The following LRRC7 variants were observed in gnomAD, a reference collection of about 807,000 sequenced individuals.
LRRC7 encodes leucine-rich repeat-containing protein 7.
In LRRC7, 23 loss-of-function variants were observed where a neutral mutation model predicts 175.7. The ratio of observed to expected loss-of-function variants is 0.13; its 90% CI spans 0.09 to 0.19. LRRC7 has a LOEUF of 0.19. LRRC7 is among the 10% of genes least tolerant of loss of function. LRRC7 has a pLI of 1.00. For synonymous variants in LRRC7, 685 were observed against 680.9 expected (o/e 1.01, Z -0.09); for missense variants, 1,354 against 1,904.7 (o/e 0.71, Z 5.38).
intron 1 of LRRC7, among the ~76,000 whole-genome samples, chr1:69,673,292 T>C (rs183670977): frequency 3.7e-4 from 56 of 152,354 alleles, no homozygotes; most frequent in African/African-American, 1.2e-3. Context: ...AAGAATGTCA[T>C]GGACACTTTT....
rs370548576 is a variant in LRRC7 at position 69,587,110 on chromosome 1, T to C, written c.2+18469T>C. On this transcript the variant is annotated intron_variant, in intron 1 of 26. Coordinates refer to ENST00000651989, the MANE Select transcript of LRRC7 (RefSeq NM_001370785.2). ...ATGCAAGTAGTAAAATGTGGTATAA[T>C]ATAACAGAGTGTTTTTCTGATTGAT... is the stretch of plus-strand genomic sequence containing the variant. 4.6e-5 allele frequency among the ~76,000 whole-genome samples: 7 copies of C among 152,330 alleles called. No individual in the cohort carries two copies. In the East Asian group the frequency reaches 7.7e-4, roughly 17 times the overall value.
intron 7 of LRRC7, among the ~76,000 whole-genome samples, chr1:69,866,497 C>T (rs1203889125): frequency 6.6e-6 from 1 of 152,188 alleles, no homozygotes; most frequent in Non-Finnish European, 1.5e-5. Flanking sequence ...TGATGGCATT[C>T]AGACTTTGCA....
At chr1:69,774,923 C>T (rs1266758192) in intron 3 of LRRC7, among the ~76,000 whole-genome samples, 1 of 151,762 alleles carries the variant, frequency 6.6e-6, no homozygotes, top group Non-Finnish European at 1.5e-5. Flanking sequence ...GAAGAAAATA[C>T]AAGAAGTAAT....
At chr1:69,785,439 C>A (rs1674295190) in intron 3 of LRRC7, among the ~76,000 whole-genome samples, 1 of 152,102 alleles carries the variant, frequency 6.6e-6, no homozygotes, top group Non-Finnish European at 1.5e-5. Flanking sequence ...TAATTTTAAT[C>A]CATTCTGACA....
intron 14 of LRRC7, among the ~76,000 whole-genome samples, chr1:70,018,216 G>A (rs1172478464): frequency 6.6e-6 from 1 of 151,944 alleles, no homozygotes; most frequent in Non-Finnish European, 1.5e-5. Flanking sequence ...GATATATCAG[G>A]TACAAGTACA....
At chr1:69,785,795 A>T (rs1272794609) in intron 3 of LRRC7, among the ~76,000 whole-genome samples, 2 of 152,148 alleles carry the variant, frequency 1.3e-5, no homozygotes, top group African/African-American at 4.8e-5. Flanking sequence ...TTGTAATATA[A>T]TATAATAATA....
chr1:69,717,789 A>G (rs1290759934), intron 2 of LRRC7, among the ~76,000 whole-genome samples: 2 of 34,132 alleles, frequency 5.9e-5, no homozygotes, highest in Admixed American at 3.6e-4. Context: ...AAAGAAAGAA[A>G]GAAAGAAAGA....
Position 69,647,353 on chromosome 1 carries a change from T to C in LRRC7, c.3-31028T>C, listed in dbSNP as rs551659452. 7.2e-5 allele frequency among the ~76,000 whole-genome samples: 11 copies of C among 152,304 alleles called. No individual in the cohort carries two copies. In the South Asian group the frequency reaches 2.3e-3, roughly 32 times the overall value. Reference sequence around the variant, plus strand: ...AGAATGTCTAATTTTCAAATTAAAGTGCCTTTATTTTGCTTTCAATCTTGA... The same window carrying C: ...AGAATGTCTAATTTTCAAATTAAAGCGCCTTTATTTTGCTTTCAATCTTGA... On this transcript the variant is annotated intron_variant, in intron 1 of 26. Transcript: ENST00000651989.
intron 22 of LRRC7, among the ~76,000 whole-genome samples, chr1:70,044,570 T>TA (rs2102043375): frequency 6.6e-6 from 1 of 152,276 alleles, no homozygotes; most frequent in South Asian, 2.1e-4. Context: ...CTGGTACTTA[T>TA]AAGTGCTTCT....
chr1:69,775,210 G>C (rs1316916761), intron 3 of LRRC7, among the ~76,000 whole-genome samples: 2 of 152,108 alleles, frequency 1.3e-5, no homozygotes, highest in Non-Finnish European at 2.9e-5. Context: ...AACATGATTT[G>C]AGCAAATAAG....
intron 1 of LRRC7, among the ~76,000 whole-genome samples, chr1:69,639,382 A>C (rs904360068): frequency 6.6e-6 from 1 of 151,820 alleles, no homozygotes; most frequent in Non-Finnish European, 1.5e-5. Context: ...AAATGTAGAG[A>C]TGAGCCTAAG....
chr1:70,120,141 T>G (rs186790256), intron 26 of LRRC7, among the ~76,000 whole-genome samples: 1 of 152,150 alleles, frequency 6.6e-6, no homozygotes, highest in East Asian at 1.9e-4. Context: ...AGAAATAACA[T>G]CAAATGTAAC....
chr1:69,581,400 A>G (rs1241588451), intron 1 of LRRC7, among the ~76,000 whole-genome samples: 1 of 152,206 alleles, frequency 6.6e-6, no homozygotes, highest in Non-Finnish European at 1.5e-5. Context: ...TGTAGAAGGT[A>G]TTGGATTCAC....
Position 69,774,959 on chromosome 1 carries a change from C to G in LRRC7, c.303+14566C>G, listed in dbSNP as rs539248682. 3.9e-5 allele frequency among the ~76,000 whole-genome samples: 6 copies of G among 152,138 alleles called. No individual in the cohort carries two copies. The South Asian group carries it at 1.2e-3, about 32-fold the overall frequency. ...AGCTAAAAGAGTTGAAAGAAACTAT[C>G]TCTGGAAGAGAGATTGCGGGATGTG... On this transcript the variant is annotated intron_variant, in intron 3 of 26. Transcript: ENST00000651989.
chr1:69,902,399 GT>G (rs1646160686), intron 7 of LRRC7, among the ~76,000 whole-genome samples: 1 of 151,990 alleles, frequency 6.6e-6, no homozygotes, highest in South Asian at 2.1e-4. Context: ...GTAAAACCTC[GT>G]CTCTACAAAA....
intron 16 of LRRC7, among the ~76,000 whole-genome samples, chr1:70,022,614 G>A (rs778321841): frequency 6.6e-6 from 1 of 152,096 alleles, no homozygotes; most frequent in Non-Finnish European, 1.5e-5. Flanking sequence ...ATGAAACAAT[G>A]TGTGTTTCAA....
intron 11 of LRRC7, among the ~76,000 whole-genome samples, chr1:70,006,364 G>A (rs1570986862): frequency 6.6e-6 from 1 of 151,798 alleles, no homozygotes; most frequent in East Asian, 1.9e-4. Context: ...CCCAGCTACT[G>A]GGGAGGCTGA....
chr1:69,759,133 C>T (rs1670757245), intron 2 of LRRC7, among the ~76,000 whole-genome samples: 3 of 151,938 alleles, frequency 2.0e-5, no homozygotes. Flanking sequence ...CCTAGGAAGA[C>T]ATTCACAGAG....
intron 11 of LRRC7, among the ~76,000 whole-genome samples, chr1:70,005,351 T>C (rs186408620): frequency 7.9e-5 from 12 of 152,310 alleles, no homozygotes; most frequent in Middle Eastern, 3.4e-3. Flanking sequence ...ATCATCTACA[T>C]TGATCATAGA....
Sources: gnomAD v4.1 joint callset for allele counts (sites outside exome capture counted in the v4.1 genomes callset) on GRCh38, gnomAD v4.1.1 for gene constraint, MANE v1.5 for transcripts, NCBI Gene and HGNC (gene_info 2026-07-23, HGNC 2026-07-21) for gene names.